Variants in MALRD1 observed in about 807,000 individuals in gnomAD.
MALRD1 encodes MAM and LDL receptor class A domain containing 1.
In MALRD1, 247 loss-of-function variants were observed where a neutral mutation model predicts 242.1. The observed-to-expected ratio is 1.02, with a 90% CI of 0.92 to 1.13. MALRD1 has a LOEUF of 1.13. Among genes scored for constraint, MALRD1 ranks in the 50% most tolerant of loss-of-function variants. The pLI, the probability that MALRD1 is intolerant of heterozygous loss-of-function variation, is 0.00. For synonymous variants in MALRD1, 995 were observed against 866.6 expected (o/e 1.15, Z -2.60); for missense variants, 2,989 against 2,533.1 (o/e 1.18, Z -3.86).
intron 21 of MALRD1, among the ~76,000 whole-genome samples, chr10:19,292,275 G>A (rs927885216): frequency 6.6e-6 from 1 of 150,902 alleles, no homozygotes; most frequent in African/African-American, 2.4e-5. Context: ...ATCTCTTCTC[G>A]GTCTAATCAA....
chr10:19,069,924 T>C (rs1354142975), intron 2 of MALRD1, among the ~76,000 whole-genome samples: 1 of 152,120 alleles, frequency 6.6e-6, no homozygotes, highest in East Asian at 1.9e-4. Context: ...TTTGCTCTTG[T>C]TTATTCAGGT....
intron 32 of MALRD1, among the ~76,000 whole-genome samples, chr10:19,554,753 A>G (rs1564436819): frequency 6.6e-6 from 1 of 152,100 alleles, no homozygotes; most frequent in Admixed American, 6.6e-5. Context: ...ATAGCATTCT[A>G]TGGTGTATAT....
At chr10:19,660,093 G>A (rs1841358618) in intron 36 of MALRD1, among the ~76,000 whole-genome samples, 1 of 152,116 alleles carries the variant, frequency 6.6e-6, no homozygotes, top group African/African-American at 2.4e-5. Context: ...AGGACATAGA[G>A]AGAAAAGTAC....
At chr10:19,153,683 T>A (rs974487160) in intron 11 of MALRD1, among the ~76,000 whole-genome samples, 7 of 144,338 alleles carry the variant, frequency 4.8e-5, no homozygotes, top group Non-Finnish European at 9.2e-5. Flanking sequence ...AGCCAGACCC[T>A]GTCTCAGGAA....
intron 21 of MALRD1, among the ~76,000 whole-genome samples, chr10:19,300,621 A>C (rs1240557263): frequency 6.6e-6 from 1 of 151,960 alleles, no homozygotes; most frequent in Non-Finnish European, 1.5e-5. Flanking sequence ...GGACTCCCCT[A>C]GTCAATAAAC....
At chr10:19,364,311 C>T (rs991956686) in intron 26 of MALRD1, among the ~76,000 whole-genome samples, 2 of 152,056 alleles carry the variant, frequency 1.3e-5, no homozygotes, top group African/African-American at 4.8e-5. Flanking sequence ...TACCTCATTT[C>T]CTATAAGTGA....
At chr10:19,053,509 C>T (rs571521210) in intron 1 of MALRD1, among the ~76,000 whole-genome samples, 1 of 152,250 alleles carries the variant, frequency 6.6e-6, no homozygotes, top group East Asian at 1.9e-4. Context: ...CAAATTGCTT[C>T]GTCTTTCCAC....
chr10:19,259,878 T>G (rs533996266), intron 19 of MALRD1, among the ~76,000 whole-genome samples: 2 of 152,256 alleles, frequency 1.3e-5, no homozygotes, highest in East Asian at 3.9e-4. Context: ...TTCCTGGTGT[T>G]ATTTTTCTCC....
At chr10:19,624,187 A>G (rs1324691045) in intron 36 of MALRD1, among the ~76,000 whole-genome samples, 1 of 152,112 alleles carries the variant, frequency 6.6e-6, no homozygotes, top group Admixed American at 6.6e-5. Flanking sequence ...CCGTTCTAAC[A>G]CTGTGAAAAT....
At chr10:19,521,270 AT>A (rs1257777040) in intron 31 of MALRD1, among the ~76,000 whole-genome samples, 1 of 152,110 alleles carries the variant, frequency 6.6e-6, no homozygotes, top group African/African-American at 2.4e-5. Flanking sequence ...CTACTTAACC[AT>A]TTCTATCTTT....
intron 28 of MALRD1, among the ~76,000 whole-genome samples, chr10:19,396,109 A>G (rs548906311): frequency 1.4e-5 from 2 of 144,446 alleles, no homozygotes; most frequent in South Asian, 2.3e-4. Flanking sequence ...TAACTAATTC[A>G]TTCATTCATT....
intron 36 of MALRD1, among the ~76,000 whole-genome samples, chr10:19,688,318 G>A (rs1028181156): frequency 1.3e-5 from 2 of 151,944 alleles, no homozygotes; most frequent in African/African-American, 4.8e-5. Flanking sequence ...CACCCATGTT[G>A]GAATGCAGTG....
intron 18 of MALRD1, among the ~76,000 whole-genome samples, chr10:19,219,638 G>C (rs774984186): frequency 6.6e-6 from 1 of 152,060 alleles, no homozygotes; most frequent in Non-Finnish European, 1.5e-5. Flanking sequence ...TGCCCAAGCT[G>C]GTCTCAAATT....
At chr10:19,615,760 A>G (rs1839124417) in intron 35 of MALRD1, 97 bp from the exon 36 acceptor site, 1 of 983,192 alleles carries the variant, frequency 1.0e-6, no homozygotes, top group Non-Finnish European at 1.5e-6. Context: ...ATTTACTCTT[A>G]GAGATTAGAT....
intron 31 of MALRD1, among the ~76,000 whole-genome samples, chr10:19,514,770 A>G (rs1833554744): frequency 6.6e-6 from 1 of 152,120 alleles, no homozygotes; most frequent in African/African-American, 2.4e-5. Flanking sequence ...AACACAGAAT[A>G]TTTGTTTCCT....
intron 26 of MALRD1, among the ~76,000 whole-genome samples, chr10:19,384,630 AAT>A (rs900659195): frequency 2.3e-5 from 3 of 131,956 alleles, no homozygotes; most frequent in African/African-American, 8.5e-5. Context: ...TATTTACTAT[AAT>A]ATAATATATA....
intron 14 of MALRD1, among the ~76,000 whole-genome samples, chr10:19,189,962 G>A (rs1407353472): frequency 1.3e-5 from 2 of 151,804 alleles, no homozygotes; most frequent in African/African-American, 4.8e-5. Flanking sequence ...ACTAGCAAAA[G>A]CAATTAATTT....
chr10:19,443,484 T>G (rs748027989), intron 28 of MALRD1, among the ~76,000 whole-genome samples: 2 of 152,244 alleles, frequency 1.3e-5, no homozygotes, highest in Non-Finnish European at 2.9e-5. Context: ...CTCTACACAC[T>G]GCTTTAAATG....
At chr10:19,446,273 CTG>C (rs1486677536) in intron 28 of MALRD1, among the ~76,000 whole-genome samples, 1 of 152,150 alleles carries the variant, frequency 6.6e-6, no homozygotes, top group African/African-American at 2.4e-5. Context: ...AGCTTACACT[CTG>C]TGGGCTGCAC....
Sources: gnomAD v4.1 joint callset for allele counts (sites outside exome capture counted in the v4.1 genomes callset) on GRCh38, gnomAD v4.1.1 for gene constraint, MANE v1.5 for transcripts, NCBI Gene and HGNC (gene_info 2026-07-23, HGNC 2026-07-21) for gene names.